The following TBC1D22A variants were observed in gnomAD, a reference collection of about 807,000 sequenced individuals.
The protein encoded by TBC1D22A is putative GTPase activator.
A neutral mutation model predicts 60.2 loss-of-function variants in TBC1D22A; 38 were observed. That is an observed-to-expected ratio of 0.63 (90% CI 0.49 to 0.83). The LOEUF (loss-of-function observed/expected upper bound fraction) is 0.83, where lower values mean the gene tolerates loss of function less well. Ranked by LOEUF, TBC1D22A falls within the 40% of genes least tolerant of loss-of-function variation. TBC1D22A has a pLI of 0.00. For synonymous variants in TBC1D22A, 302 were observed against 281.7 expected (o/e 1.07, Z -0.72); for missense variants, 628 against 701.0 (o/e 0.90, Z 1.18).
chr22:47,047,775 C>T (rs138637941), intron 11 of TBC1D22A, among the ~76,000 whole-genome samples: 4 of 152,364 alleles, frequency 2.6e-5, no homozygotes, highest in South Asian at 2.1e-4. Flanking sequence ...CAGAGCCTGT[C>T]GGGTGCCCTG....
chr22:46,966,696 A>G lies in TBC1D22A; in HGVS notation c.1016-7594A>G, dbSNP rs183766121. Among the ~76,000 whole-genome samples the G allele has an allele frequency of 5.3e-5, 8 of 152,364 alleles. No individual in the cohort carries two copies. The East Asian group carries it at 1.4e-3, about 26-fold the overall frequency. ...TCTTTCACTTTTTACCGCAGTATCT[A>G]TCCCACAGTTGATATTTTCCCAAGT... On this transcript the variant is annotated intron_variant, in intron 8 of 12. Coordinates refer to ENST00000337137, the MANE Select transcript of TBC1D22A (RefSeq NM_014346.5).
At chr22:46,966,864 G>T (rs1055574889) in intron 8 of TBC1D22A, among the ~76,000 whole-genome samples, 1 of 152,168 alleles carries the variant, frequency 6.6e-6, no homozygotes, top group Non-Finnish European at 1.5e-5. Context: ...TCCTGACTGC[G>T]GGTCTGCTTG....
intron 10 of TBC1D22A, among the ~76,000 whole-genome samples, chr22:47,036,766 G>A (rs138328753): frequency 2.6e-5 from 4 of 152,294 alleles, no homozygotes; most frequent in Non-Finnish European, 1.5e-5. Flanking sequence ...GGAGCCCCAC[G>A]GTGTGGGTGT....
At chr22:47,106,735 A>G (rs1268199928) in intron 11 of TBC1D22A, among the ~76,000 whole-genome samples, 2 of 152,222 alleles carry the variant, frequency 1.3e-5, no homozygotes, top group Non-Finnish European at 2.9e-5. Flanking sequence ...ACTCTAAACA[A>G]ACATATATGA....
At chr22:46,882,251 A>G (rs1365520972) in intron 5 of TBC1D22A, among the ~76,000 whole-genome samples, 1 of 152,144 alleles carries the variant, frequency 6.6e-6, no homozygotes, top group Non-Finnish European at 1.5e-5. Context: ...CAGTCCACAG[A>G]GTGCCTACCC....
intron 5 of TBC1D22A, among the ~76,000 whole-genome samples, chr22:46,882,977 C>G (rs958717291): frequency 6.6e-6 from 1 of 152,206 alleles, no homozygotes. Context: ...AAACTAACAT[C>G]TAGTCTAGAA....
chr22:46,843,342 C>T (rs1405894050), intron 4 of TBC1D22A, among the ~76,000 whole-genome samples: 2 of 152,206 alleles, frequency 1.3e-5, no homozygotes, highest in East Asian at 1.9e-4. Context: ...AACTCCCCTG[C>T]AGAGATAAAA....
chr22:46,831,179 G>A (rs1389025013), intron 4 of TBC1D22A, among the ~76,000 whole-genome samples: 1 of 152,180 alleles, frequency 6.6e-6, no homozygotes, highest in African/African-American at 2.4e-5. Flanking sequence ...GGAGCAGAGA[G>A]CATGGACAGA....
At chr22:46,930,546 C>T (rs966464795) in intron 8 of TBC1D22A, among the ~76,000 whole-genome samples, 2 of 152,138 alleles carry the variant, frequency 1.3e-5, no homozygotes, top group African/African-American at 2.4e-5. Flanking sequence ...AGCTCCACCT[C>T]CCAGGTTCAT....
intron 8 of TBC1D22A, among the ~76,000 whole-genome samples, chr22:46,917,195 G>T (rs1320382852): frequency 1.3e-5 from 2 of 152,150 alleles, no homozygotes; most frequent in Admixed American, 6.6e-5. Flanking sequence ...AGCAAGGCAC[G>T]TGCTACTTTG....
At chr22:46,776,647 A>T (rs1330230030) in intron 1 of TBC1D22A, among the ~76,000 whole-genome samples, 1 of 151,860 alleles carries the variant, frequency 6.6e-6, no homozygotes, top group Non-Finnish European at 1.5e-5. Context: ...CATGGGTAGG[A>T]CGAGGCCAGC....
chr22:47,004,526 C>T (rs115728359), intron 10 of TBC1D22A, among the ~76,000 whole-genome samples: 1 of 151,112 alleles, frequency 6.6e-6, no homozygotes, highest in East Asian at 1.9e-4. Context: ...TATGCCTATA[C>T]ACACACCTGC....
chr22:46,980,820 A>G (rs1457627161), intron 9 of TBC1D22A, among the ~76,000 whole-genome samples: 3 of 152,232 alleles, frequency 2.0e-5, no homozygotes, highest in Admixed American at 6.5e-5. Flanking sequence ...CTAATTACCT[A>G]TGGAGACATG....
Position 46,768,342 on chromosome 22 carries a change from A to G in TBC1D22A, c.62+5494A>G, listed in dbSNP as rs1486205886. Among the ~76,000 whole-genome samples, 9 of 151,748 alleles carry G rather than the reference A, an allele frequency of 5.9e-5. No individual in the cohort carries two copies. The East Asian group carries it at 1.2e-3, about 20-fold the overall frequency. On this transcript the variant is annotated intron_variant, in intron 1 of 12. Coordinates refer to ENST00000337137, the MANE Select transcript of TBC1D22A (RefSeq NM_014346.5). ...TCTACTAAAAATACAAAAGTTAGCC[A>G]GGCGTGGTGGCAGGCGCCTGTAATC...
At chr22:46,945,170 G>T (rs1264395661) in intron 8 of TBC1D22A, among the ~76,000 whole-genome samples, 1 of 152,176 alleles carries the variant, frequency 6.6e-6, no homozygotes, top group Non-Finnish European at 1.5e-5. Context: ...ACAAACTTTT[G>T]AAAAACTACT....
intron 11 of TBC1D22A, among the ~76,000 whole-genome samples, chr22:47,054,733 C>G (rs2063333145): frequency 6.6e-6 from 1 of 152,122 alleles, no homozygotes; most frequent in African/African-American, 2.4e-5. Flanking sequence ...TGGGAGGTGG[C>G]CAGTGAGGGC....
intron 4 of TBC1D22A, among the ~76,000 whole-genome samples, chr22:46,846,516 A>G (rs1017063269): frequency 6.6e-6 from 1 of 152,192 alleles, no homozygotes; most frequent in Non-Finnish European, 1.5e-5. Flanking sequence ...AGTTTTCCCC[A>G]ATGGGAATAT....
intron 4 of TBC1D22A, 131 bp downstream of exon 4, chr22:46,797,751 G>T: frequency 2.1e-6 from 2 of 951,474 alleles, no homozygotes; most frequent in Non-Finnish European, 2.9e-6. Flanking sequence ...CTTGCAGGAA[G>T]GTGATGTTTT....
chr22:46,876,246 G>A (rs979044749), intron 4 of TBC1D22A, among the ~76,000 whole-genome samples: 5 of 152,146 alleles, frequency 3.3e-5, no homozygotes, highest in Non-Finnish European at 5.9e-5. Context: ...AATAATCATT[G>A]TATCTACAGA....
Sources: gnomAD v4.1 joint callset for allele counts (sites outside exome capture counted in the v4.1 genomes callset) on GRCh38, gnomAD v4.1.1 for gene constraint, MANE v1.5 for transcripts, NCBI Gene and HGNC (gene_info 2026-07-23, HGNC 2026-07-21) for gene names.